CDC123: variants seen among roughly 807,000 people sequenced by gnomAD.
CDC123 encodes cell division cycle 123, also known as translation initiation factor eIF2 assembly protein.
Under a neutral mutation model 54.4 loss-of-function variants are expected in CDC123, and 37 were observed. The ratio of observed to expected loss-of-function variants is 0.68; its 90% CI spans 0.52 to 0.89. The LOEUF is 0.89. Among genes scored for constraint, CDC123 ranks in the 40% least tolerant of loss-of-function variants. The probability of loss-of-function intolerance (pLI) is 0.00; values close to 1 mark genes in which losing one functional copy is unlikely to be tolerated. For missense variants in CDC123, 361 were observed against 412.1 expected (o/e 0.88, Z 1.07); for synonymous variants, 144 against 136.8 (o/e 1.05, Z -0.37).
chr10:12,210,819 GC>G (rs1835588119), intron 4 of CDC123, among the ~76,000 whole-genome samples: 1 of 152,110 alleles, frequency 6.6e-6, no homozygotes, highest in Non-Finnish European at 1.5e-5. Context: ...TCCTGCCTCA[GC>G]CTCCTGAGTA....
intron 7 of CDC123, among the ~76,000 whole-genome samples, chr10:12,232,461 T>G (rs563372714): frequency 2.6e-5 from 4 of 152,306 alleles, no homozygotes; most frequent in Admixed American, 2.0e-4. Context: ...GAGTAATTTT[T>G]AATGTGTTGA....
chr10:12,196,289 A>T lies in CDC123; in HGVS notation c.44A>T (p.Tyr15Phe). Reference protein sequence around the residue: ...HVLHCQFSAWYPFFRGVTIKS... With the variant: ...HVLHCQFSAWFPFFRGVTIKS... ...CTTCACTGCCAGTTCTCCGCGTGGT[A>T]CCCGTTCTTCCGAGGCGTTACCATC... Residue 15 changes from tyrosine to phenylalanine, a missense_variant, in exon 1 of 13, where the codon TAC becomes TTC. By Grantham distance (22) the Tyr-to-Phe change is conservative. Transcript: ENST00000281141. 1 of 1,613,726 alleles carries T rather than the reference A, an allele frequency of 6.2e-7. No homozygotes were observed. The highest frequency in any genetic ancestry group is 8.5e-7 in the Non-Finnish European group (1 of 1,179,818).
At chr10:12,220,157 G>A (rs920216670) in intron 6 of CDC123, among the ~76,000 whole-genome samples, 1 of 152,164 alleles carries the variant, frequency 6.6e-6, no homozygotes, top group African/African-American at 2.4e-5. Context: ...TATGCCTTTA[G>A]TGTCAGTTGC....
At chr10:12,219,434 C>T (rs1835705016) in intron 6 of CDC123, among the ~76,000 whole-genome samples, 1 of 152,086 alleles carries the variant, frequency 6.6e-6, no homozygotes, top group South Asian at 2.1e-4. Flanking sequence ...AACTCCTGGT[C>T]TCAAGTGATC....
chr10:12,196,836 C>A (rs1588666390), intron 1 of CDC123, among the ~76,000 whole-genome samples: 1 of 152,144 alleles, frequency 6.6e-6, no homozygotes, highest in Non-Finnish European at 1.5e-5. Flanking sequence ...CTATGTTAGG[C>A]AATGCATTTG....
intron 12 of CDC123, 52 bp downstream of exon 12, chr10:12,249,770 A>C: frequency 6.5e-7 from 1 of 1,543,430 alleles, no homozygotes; most frequent in African/African-American, 1.4e-5. Context: ...ATAGACCTTC[A>C]AATTGGCTTT....
chr10:12,206,835 T>C (rs1317802751), intron 2 of CDC123, among the ~76,000 whole-genome samples: 6 of 151,756 alleles, frequency 4.0e-5, no homozygotes, highest in Non-Finnish European at 8.8e-5. Flanking sequence ...GGCGGGCGCC[T>C]GGAGTCCCAG....
At chr10:12,235,146 GT>G (rs35566655) in intron 8 of CDC123, 23 bp downstream of exon 8, 67,530 of 1,578,380 alleles carry the variant, frequency 0.043, 3,961 homozygotes, top group African/African-American at 0.24. Context: ...TTGTTTGTTT[GT>G]TTTATCCTTC....
chr10:12,226,039 G>A (rs745955164), intron 6 of CDC123, among the ~76,000 whole-genome samples: 4 of 151,978 alleles, frequency 2.6e-5, no homozygotes, highest in Admixed American at 6.6e-5. Flanking sequence ...TTAACCCTTC[G>A]TGGACACAGC....
intron 10 of CDC123, among the ~76,000 whole-genome samples, chr10:12,243,771 G>A (rs1836091464): frequency 6.8e-6 from 1 of 148,022 alleles, no homozygotes; most frequent in Non-Finnish European, 1.5e-5. Flanking sequence ...GTGACAGAGC[G>A]AGACTCCATC....
At chr10:12,201,853 T>A (rs1042228747) in intron 2 of CDC123, among the ~76,000 whole-genome samples, 3 of 152,112 alleles carry the variant, frequency 2.0e-5, no homozygotes, top group African/African-American at 7.2e-5. Flanking sequence ...TGGCTTGAAC[T>A]AAGATGGTGA....
chr10:12,198,652 C>A, intron 1 of CDC123, 53 bp from the exon 2 acceptor site: 1 of 929,328 alleles, frequency 1.1e-6, no homozygotes, highest in Admixed American at 2.1e-5. Context: ...ATTTTTCTCT[C>A]TGCTTATAGT....
chr10:12,198,489 T>G (rs577123036), intron 1 of CDC123, among the ~76,000 whole-genome samples: 1 of 152,338 alleles, frequency 6.6e-6, no homozygotes, highest in South Asian at 2.1e-4. Flanking sequence ...ATTTGGCTGG[T>G]TTTTGTTTAC....
intron 2 of CDC123, among the ~76,000 whole-genome samples, chr10:12,199,478 G>T (rs1835410520): frequency 6.6e-6 from 1 of 152,130 alleles, no homozygotes; most frequent in South Asian, 2.1e-4. Flanking sequence ...CCATTAGAAT[G>T]CAGTTTCATG....
chr10:12,201,412 G>A (rs774758675), intron 2 of CDC123, among the ~76,000 whole-genome samples: 18 of 152,274 alleles, frequency 1.2e-4, no homozygotes, highest in Non-Finnish European at 1.9e-4. Context: ...GAGGAGGGTC[G>A]GGGAATGCTC....
intron 4 of CDC123, among the ~76,000 whole-genome samples, chr10:12,212,424 A>G (rs1006124354): frequency 4.6e-5 from 7 of 152,380 alleles, no homozygotes; most frequent in Non-Finnish European, 8.8e-5. Context: ...TTGGGCTCTC[A>G]CTGTCTAAAA....
chr10:12,238,516 A>G, intron 10 of CDC123, 31 bp downstream of exon 10: 1 of 1,603,724 alleles, frequency 6.2e-7, no homozygotes, highest in African/African-American at 1.3e-5. Flanking sequence ...ATATGCTTTA[A>G]TATAAGAGCT....
chr10:12,247,490 AGGACACTGTGTCCTCCTCTCTTACCTCCC>A (rs1836168006), intron 11 of CDC123: 1 of 34,832 alleles, frequency 2.9e-5, no homozygotes. Context: ...CCTCCCCCTC[AGGACACTGTGTCCTCCTCTCTTACCTCCC>A]CCTCAGGACA....
intron 10 of CDC123, 161 bp from the exon 11 acceptor site, chr10:12,245,988 T>A (rs775127734): frequency 2.6e-5 from 17 of 650,640 alleles, no homozygotes; most frequent in Middle Eastern, 8.7e-4. Flanking sequence ...GAGGATCCTT[T>A]GAGCCCAGGA....
Sources: allele counts gnomAD v4.1 joint callset (sites outside exome capture counted in the v4.1 genomes callset), GRCh38; gene constraint gnomAD v4.1.1; transcripts MANE v1.5; gene names NCBI Gene and HGNC (gene_info 2026-07-23, HGNC 2026-07-21).